The following CSMD1 variants were observed in gnomAD, a reference collection of about 807,000 sequenced individuals.
CSMD1 encodes the protein CUB and Sushi multiple domains 1.
CSMD1 carries 213 observed loss-of-function variants against 417.5 expected under a neutral mutation model. That is an observed-to-expected ratio of 0.51 (90% confidence interval 0.46 to 0.57). The LOEUF is 0.57. CSMD1 is among the 20% of genes least tolerant of loss of function. CSMD1 has a pLI of 0.00. For missense variants in CSMD1, 6,923 were observed against 4,529.7 expected (o/e 1.53, Z -15.17); for synonymous variants, 2,862 against 1,736.8 (o/e 1.65, Z -16.11).
At chr8:4,064,442 G>C (rs1349534439) in intron 3 of CSMD1, among the ~76,000 whole-genome samples, 1 of 152,218 alleles carries the variant, frequency 6.6e-6, no homozygotes, top group Non-Finnish European at 1.5e-5. Flanking sequence ...CTTTGCCCAA[G>C]TTTTAAATTT....
intron 1 of CSMD1, among the ~76,000 whole-genome samples, chr8:4,708,122 T>TA (rs1305772711): frequency 1.6e-5 from 2 of 126,998 alleles, no homozygotes; most frequent in South Asian, 2.6e-4. Context: ...TTTTGTATTT[T>TA]TTTTTATTTT....
intron 7 of CSMD1, among the ~76,000 whole-genome samples, chr8:3,627,747 C>A (rs1456205098): frequency 6.6e-6 from 1 of 152,118 alleles, no homozygotes; most frequent in Non-Finnish European, 1.5e-5. Context: ...GGAATTATTA[C>A]TTTGCTGAAG....
At chr8:3,275,709 A>G (rs1446341177) in intron 26 of CSMD1, among the ~76,000 whole-genome samples, 1 of 152,102 alleles carries the variant, frequency 6.6e-6, no homozygotes, top group East Asian at 1.9e-4. Flanking sequence ...CATTTCTTCC[A>G]GTTGATCGCA....
At chr8:4,299,979 G>C (rs955193732) in intron 3 of CSMD1, among the ~76,000 whole-genome samples, 1 of 152,112 alleles carries the variant, frequency 6.6e-6, no homozygotes, top group Admixed American at 6.5e-5. Flanking sequence ...ATAGCTATTA[G>C]AATTTCTGTC....
intron 57 of CSMD1, among the ~76,000 whole-genome samples, chr8:2,969,337 C>G (rs1027203563): frequency 6.6e-6 from 1 of 152,058 alleles, no homozygotes; most frequent in Non-Finnish European, 1.5e-5. Flanking sequence ...CCTAATACAG[C>G]TGAAACTAAA....
At chr8:4,113,159 C>G (rs1209057700) in intron 3 of CSMD1, among the ~76,000 whole-genome samples, 1 of 152,098 alleles carries the variant, frequency 6.6e-6, no homozygotes, top group Non-Finnish European at 1.5e-5. Context: ...TCTCCCTCCT[C>G]GGGCCTTCCT....
At chr8:4,921,940 A>G (rs1806525004) in intron 1 of CSMD1, among the ~76,000 whole-genome samples, 1 of 152,122 alleles carries the variant, frequency 6.6e-6, no homozygotes, top group Non-Finnish European at 1.5e-5. Context: ...GTACCCTCAC[A>G]TCTGTTTGGA....
intron 1 of CSMD1, among the ~76,000 whole-genome samples, chr8:4,672,128 T>C (rs1405310262): frequency 6.6e-6 from 1 of 152,172 alleles, no homozygotes; most frequent in Non-Finnish European, 1.5e-5. Flanking sequence ...GATCTTCCCA[T>C]TGCATGAGGC....
At chr8:3,664,888 A>T (rs1369098292) in intron 7 of CSMD1, among the ~76,000 whole-genome samples, 1 of 152,216 alleles carries the variant, frequency 6.6e-6, no homozygotes, top group East Asian at 1.9e-4. Context: ...TCAACGTCAC[A>T]AATTCCAAAA....
intron 2 of CSMD1, among the ~76,000 whole-genome samples, chr8:4,633,209 G>A (rs955291810): frequency 1.3e-5 from 2 of 151,824 alleles, no homozygotes; most frequent in African/African-American, 4.8e-5. Context: ...TCAAAAACAG[G>A]CTGTGGTTAA....
At chr8:3,626,348 C>CA (rs1796492739) in intron 7 of CSMD1, among the ~76,000 whole-genome samples, 1 of 152,092 alleles carries the variant, frequency 6.6e-6, no homozygotes, top group Non-Finnish European at 1.5e-5. Flanking sequence ...ACAGGATGCC[C>CA]AATTATTCAT....
chr8:4,990,139 A>G (rs1351068347), intron 1 of CSMD1, among the ~76,000 whole-genome samples: 2 of 152,164 alleles, frequency 1.3e-5, no homozygotes, highest in African/African-American at 4.8e-5. Context: ...GACTTGTTTG[A>G]TGAGACCTCA....
Position 4,224,343 on chromosome 8 carries a change from T to C in CSMD1, c.416-192244A>G, listed in dbSNP as rs116238991. ...GTCCAAGAGCACATTTTGGCAGCCT[T>C]AGGTACATGTACGATGTTGCGCAAC... On this transcript the variant is annotated intron_variant, in intron 3 of 69. Coordinates refer to ENST00000635120, the MANE Select transcript of CSMD1 (RefSeq NM_033225.6). Among the ~76,000 whole-genome samples, 1,162 of 152,276 alleles carry C rather than the reference T, an allele frequency of 7.6e-3. 14 individuals are homozygous for C. Among genetic ancestry groups the C allele is most frequent in the African/African-American group, 0.027 (1,104 of 41,552 alleles).
chr8:4,443,399 T>C (rs960345366), intron 2 of CSMD1, among the ~76,000 whole-genome samples: 2 of 152,172 alleles, frequency 1.3e-5, no homozygotes, highest in South Asian at 4.1e-4. Flanking sequence ...AAAACACAGT[T>C]CCAAGAAAAT....
At chr8:3,114,795 G>A (rs1014190544) in intron 42 of CSMD1, among the ~76,000 whole-genome samples, 42 of 152,240 alleles carry the variant, frequency 2.8e-4, no homozygotes, top group African/African-American at 9.9e-4. Context: ...TAAAAAATAT[G>A]TATGTAATAA....
At chr8:4,572,162 G>C (rs1798923733) in intron 2 of CSMD1, among the ~76,000 whole-genome samples, 1 of 152,128 alleles carries the variant, frequency 6.6e-6, no homozygotes, top group African/African-American at 2.4e-5. Context: ...TGTCATCATG[G>C]TGCTATCTGG....
At chr8:3,932,251 T>C in intron 5 of CSMD1, among the ~76,000 whole-genome samples, 1 of 150,406 alleles carries the variant, frequency 6.6e-6, no homozygotes, top group East Asian at 2.0e-4. Context: ...AGCAGGAAAA[T>C]CGACGAAAGT....
intron 1 of CSMD1, among the ~76,000 whole-genome samples, chr8:4,656,973 G>C (rs1006626452): frequency 6.6e-6 from 1 of 152,014 alleles, no homozygotes; most frequent in Non-Finnish European, 1.5e-5. Context: ...ACTCACATGA[G>C]GCACAAGAGA....
At chr8:3,317,506 G>GTGTT (rs776507216) in intron 23 of CSMD1, among the ~76,000 whole-genome samples, 1 of 152,086 alleles carries the variant, frequency 6.6e-6, no homozygotes, top group East Asian at 1.9e-4. Flanking sequence ...TCCCAATTAA[G>GTGTT]TGTTTGTTTT....
Sources: gnomAD v4.1 joint callset for allele counts (sites outside exome capture counted in the v4.1 genomes callset) on GRCh38, gnomAD v4.1.1 for gene constraint, MANE v1.5 for transcripts, NCBI Gene and HGNC (gene_info 2026-07-23, HGNC 2026-07-21) for gene names.